The following FRMPD4 variants were observed in gnomAD, a reference collection of about 807,000 sequenced individuals.
FRMPD4 encodes the protein FERM and PDZ domain containing 4, also known as FERM and PDZ domain-containing protein 4.
In FRMPD4, 22 loss-of-function variants were observed where a neutral mutation model predicts 94.1. That is an observed-to-expected ratio of 0.23 (90% CI 0.17 to 0.33). FRMPD4 has a LOEUF of 0.33. Among genes scored for constraint, FRMPD4 ranks in the 10% least tolerant of loss-of-function variants. The probability of loss-of-function intolerance (pLI) is 1.00; values close to 1 mark genes in which losing one functional copy is unlikely to be tolerated. For synonymous variants in FRMPD4, 631 were observed against 548.6 expected (o/e 1.15, Z -2.10); for missense variants, 1,111 against 1,339.9 (o/e 0.83, Z 2.67).
At chrX:12,030,044 C>T (rs1194891669) in intron 3 of FRMPD4, among the ~76,000 whole-genome samples, 1 of 111,645 alleles carries the variant, frequency 9.0e-6, no homozygotes, top group Non-Finnish European at 1.9e-5. Context: ...AGAATTGTTA[C>T]ATATATTAGG....
intron 2 of FRMPD4, among the ~76,000 whole-genome samples, chrX:12,508,121 A>C (rs1305929091): frequency 2.7e-5 from 3 of 112,388 alleles, no homozygotes; most frequent in Non-Finnish European, 5.6e-5. Context: ...GTTTTGGAAA[A>C]ATGTTGCTTA....
chrX:12,220,121 A>G (rs976993038), intron 1 of FRMPD4, among the ~76,000 whole-genome samples: 3 of 109,801 alleles, frequency 2.7e-5, no homozygotes, highest in Non-Finnish European at 5.7e-5. Context: ...AGCCTGGGCA[A>G]CAAGAGTGAA....
chrX:12,487,094 T>C (rs1475820347), intron 1 of FRMPD4, among the ~76,000 whole-genome samples: 1 of 112,394 alleles, frequency 8.9e-6, no homozygotes, highest in Non-Finnish European at 1.9e-5. Flanking sequence ...GTGGGCCTTC[T>C]CTTTCACCTC....
intron 3 of FRMPD4, among the ~76,000 whole-genome samples, chrX:11,929,714 A>T (rs910036433): frequency 8.9e-6 from 1 of 111,766 alleles, no homozygotes; most frequent in African/African-American, 3.3e-5. Context: ...TTTGCTTGTG[A>T]AGTATTGAGA....
chrX:12,477,434 C>T (rs2057617159), intron 1 of FRMPD4, among the ~76,000 whole-genome samples: 1 of 111,996 alleles, frequency 8.9e-6, no homozygotes, highest in Non-Finnish European at 1.9e-5. Flanking sequence ...TGCACATGTA[C>T]CCTAAAACTT....
chrX:12,256,216 G>C (rs954832362), intron 1 of FRMPD4, among the ~76,000 whole-genome samples: 22 of 111,492 alleles, frequency 2.0e-4, no homozygotes, highest in African/African-American at 7.2e-4. Context: ...AGTTCCATTG[G>C]GGTGTTGGCA....
rs1257535858 is a variant in FRMPD4 at position 12,163,047 on chromosome X, T to TA, written c.41+24043dup. Among the ~76,000 whole-genome samples the TA allele has an allele frequency of 6.4e-5, 7 of 109,880 alleles. 1 individual carries two copies. The highest frequency in any genetic ancestry group is 2.9e-4 in the East Asian group (1 of 3,497). ...AGTCCTCCTCCTTATGTCACCTCAT[T>TA]AAAAAAAAGGAGGAAGGAGAGAAAA... On this transcript the variant is annotated intron_variant, in intron 1 of 16. Transcript: ENST00000675598.
intron 1 of FRMPD4, among the ~76,000 whole-genome samples, chrX:12,413,544 T>A (rs919827465): frequency 8.9e-6 from 1 of 111,995 alleles, no homozygotes; most frequent in Admixed American, 9.4e-5. Context: ...ACCCACGTTG[T>A]GAGTCTGGTT....
intron 1 of FRMPD4, among the ~76,000 whole-genome samples, chrX:11,850,449 G>T (rs1484996278): frequency 4.5e-5 from 5 of 111,991 alleles, no homozygotes; most frequent in Admixed American, 3.8e-4. Flanking sequence ...CTACTTCGGG[G>T]TTTATACACA....
chrX:12,656,953 G>A (rs1341184531), intron 4 of FRMPD4, among the ~76,000 whole-genome samples: 1 of 110,658 alleles, frequency 9.0e-6, no homozygotes, highest in East Asian at 2.8e-4. Flanking sequence ...AGGTGTGGTG[G>A]CGTGTGCCTG....
chrX:12,653,538 C>T (rs1203357644), intron 4 of FRMPD4, among the ~76,000 whole-genome samples: 1 of 111,722 alleles, frequency 9.0e-6, no homozygotes, highest in Non-Finnish European at 1.9e-5. Context: ...ATTCAGGGCT[C>T]TGCCCACTGG....
intron 3 of FRMPD4, among the ~76,000 whole-genome samples, chrX:11,893,105 T>C (rs777167049): frequency 8.9e-6 from 1 of 112,029 alleles, no homozygotes; most frequent in African/African-American, 3.2e-5. Flanking sequence ...CTTCGGTACA[T>C]TAGTGTTCAC....
At chrX:12,274,514 G>A (rs1292418122) in intron 1 of FRMPD4, among the ~76,000 whole-genome samples, 2 of 112,631 alleles carry the variant, frequency 1.8e-5, no homozygotes, top group Non-Finnish European at 3.7e-5. Context: ...GTTTCGGTAA[G>A]CAGCTAAATA....
chrX:12,421,033 G>A (rs1317735352), intron 1 of FRMPD4, among the ~76,000 whole-genome samples: 2 of 112,427 alleles, frequency 1.8e-5, no homozygotes, highest in African/African-American at 6.5e-5. Flanking sequence ...CAAAAATATA[G>A]CATTTATAGG....
intron 4 of FRMPD4, among the ~76,000 whole-genome samples, chrX:12,640,322 A>AAAAG (rs2059486633): frequency 3.8e-5 from 4 of 104,804 alleles, no homozygotes; most frequent in African/African-American, 1.4e-4. Flanking sequence ...AAAAAAAAAA[A>AAAAG]GGTAGTAAGG....
chrX:12,352,296 GTT>G (rs777552656), intron 1 of FRMPD4, among the ~76,000 whole-genome samples: 2 of 112,222 alleles, frequency 1.8e-5, no homozygotes, highest in Non-Finnish European at 3.8e-5. Flanking sequence ...AAATCACAAA[GTT>G]TGTAAACCTA....
intron 4 of FRMPD4, among the ~76,000 whole-genome samples, chrX:12,624,474 A>G (rs774600584): frequency 4.6e-4 from 51 of 111,768 alleles, no homozygotes; most frequent in African/African-American, 1.6e-3. Context: ...AAGGTGTTTT[A>G]TGTAGGCCTC....
chrX:12,083,197 TC>T (rs770079350), intron 3 of FRMPD4, among the ~76,000 whole-genome samples: 2 of 112,611 alleles, frequency 1.8e-5, no homozygotes, highest in East Asian at 5.6e-4. Flanking sequence ...GGCCCAGGGT[TC>T]CCATGCTGCG....
chrX:12,100,282 G>A (rs2055244253), intron 3 of FRMPD4, among the ~76,000 whole-genome samples: 1 of 111,862 alleles, frequency 8.9e-6, no homozygotes, highest in African/African-American at 3.2e-5. Flanking sequence ...CTAAAGCTAG[G>A]ATTCATTCAA....
Sources: allele counts gnomAD v4.1 joint callset (sites outside exome capture counted in the v4.1 genomes callset), GRCh38; gene constraint gnomAD v4.1.1; transcripts MANE v1.5; gene names NCBI Gene and HGNC (gene_info 2026-07-23, HGNC 2026-07-21).